The following MYO1E variants were observed in gnomAD, a reference collection of about 807,000 sequenced individuals.
MYO1E encodes the protein unconventional myosin-Ie.
A neutral mutation model predicts 151.1 loss-of-function variants in MYO1E; 68 were observed. That is an observed-to-expected ratio of 0.45 (90% confidence interval 0.37 to 0.55). The LOEUF (loss-of-function observed/expected upper bound fraction) is 0.55, where lower values mean the gene tolerates loss of function less well. MYO1E is among the 20% of genes least tolerant of loss of function. The pLI, the probability that MYO1E is intolerant of heterozygous loss-of-function variation, is 0.00. For missense variants in MYO1E, 1,363 were observed against 1,389.3 expected (o/e 0.98, Z 0.30); for synonymous variants, 601 against 501.7 (o/e 1.20, Z -2.64).
chr15:59,362,902 G>C (rs1425367126), intron 1 of MYO1E, among the ~76,000 whole-genome samples: 1 of 149,542 alleles, frequency 6.7e-6, no homozygotes, highest in African/African-American at 2.5e-5. Context: ...CTAAATCTCT[G>C]TTGTTCTCAC....
chr15:59,274,145 G>A (rs1672282029), intron 1 of MYO1E, among the ~76,000 whole-genome samples: 1 of 152,050 alleles, frequency 6.6e-6, no homozygotes, highest in African/African-American at 2.4e-5. Context: ...AATCAGCCAA[G>A]AAGGAGCTAC....
At chr15:59,322,192 A>G (rs949419803) in intron 1 of MYO1E, among the ~76,000 whole-genome samples, 8 of 151,978 alleles carry the variant, frequency 5.3e-5, no homozygotes, top group Non-Finnish European at 1.2e-4. Context: ...AAAAAAAAAA[A>G]AAATAGAAAG....
chr15:59,173,618 C>A, intron 21 of MYO1E, 128 bp downstream of exon 21: 1 of 1,142,362 alleles, frequency 8.8e-7, no homozygotes. Context: ...TTTTGGTTTA[C>A]TGTATTTTCT....
At chr15:59,338,418 AT>A (rs1341238955) in intron 1 of MYO1E, among the ~76,000 whole-genome samples, 8 of 151,490 alleles carry the variant, frequency 5.3e-5, no homozygotes, top group Non-Finnish European at 8.8e-5. Context: ...GACTGTGTTT[AT>A]TATAAATCCA....
intron 1 of MYO1E, among the ~76,000 whole-genome samples, chr15:59,302,944 T>A (rs901831949): frequency 1.3e-5 from 2 of 152,176 alleles, no homozygotes; most frequent in Non-Finnish European, 1.5e-5. Context: ...ATACAATCTC[T>A]TAGGCCAAGG....
Position 59,137,309 on chromosome 15 carries a change from G to T in MYO1E, c.*71C>A. On this transcript the variant is annotated 3_prime_UTR_variant, in exon 28 of 28. Coordinates refer to ENST00000288235, the MANE Select transcript of MYO1E (RefSeq NM_004998.4). ...TTGCTCATTGTGGATTGTAAGGGGA[G>T]CCCCTAAATATCCCCTCCCCTGGTC... 7.5e-7 allele frequency: 1 copy of T among 1,325,346 alleles called. No individual in the cohort carries two copies. The highest frequency in any genetic ancestry group is 1.1e-6 in the Non-Finnish European group (1 of 917,634). The allele number at this position is 1,325,346 out of a possible 1,614,324, so 82.1% of individuals were successfully genotyped here.
intron 26 of MYO1E, among the ~76,000 whole-genome samples, chr15:59,151,155 G>C (rs140165812): frequency 1.3e-5 from 2 of 151,986 alleles, no homozygotes; most frequent in African/African-American, 4.8e-5. Context: ...AGCTGGGCGC[G>C]GTGGCTCACG....
At chr15:59,338,160 TA>T (rs11390470) in intron 1 of MYO1E, among the ~76,000 whole-genome samples, 27,075 of 141,784 alleles carry the variant, frequency 0.19, 3,166 homozygotes, top group East Asian at 0.49. Context: ...TGTTCAAGTC[TA>T]AAAAAAAAAA....
At chr15:59,229,958 AAGT>A (rs1264721335) in intron 6 of MYO1E, among the ~76,000 whole-genome samples, 1 of 152,162 alleles carries the variant, frequency 6.6e-6, no homozygotes, top group African/African-American at 2.4e-5. Context: ...CTTTTAAAAT[AAGT>A]AGTTATTTAA....
rs370540534 is a variant in MYO1E at position 59,367,794 on chromosome 15, T to C, written c.3+4704A>G. Among the ~76,000 whole-genome samples, 27 of 152,318 alleles carry C rather than the reference T, an allele frequency of 1.8e-4. No homozygotes were observed. In the East Asian group the frequency reaches 3.3e-3, roughly 18 times the overall value. ...GCAAACAGCTAATCTGCAGCTGTGT[T>C]TGGCCCCTCTGAGATGATCAAATCA... On this transcript the variant is annotated intron_variant, in intron 1 of 27. Transcript: ENST00000288235.
Position 59,137,320 on chromosome 15 carries a change from TC to T in MYO1E, c.*59del. 6.9e-7 allele frequency: 1 copy of T among 1,441,282 alleles called. No individual in the cohort carries two copies. The highest frequency in any genetic ancestry group is 9.8e-7 in the Non-Finnish European group (1 of 1,022,798). 89.3% of individuals were successfully genotyped at this position (1,441,282 alleles called of 1,614,324 possible). A position where few individuals can be genotyped will look rare whatever the true frequency, so the allele number is the denominator to read the frequency against. On this transcript the variant is annotated 3_prime_UTR_variant, in exon 28 of 28. Coordinates refer to ENST00000288235, the MANE Select transcript of MYO1E (RefSeq NM_004998.4). Reference sequence around the variant, plus strand: ...GGATTGTAAGGGGAGCCCCTAAATATCCCCTCCCCTGGTCTGTGCCTGGAGC... The same window carrying T: ...GGATTGTAAGGGGAGCCCCTAAATATCCCTCCCCTGGTCTGTGCCTGGAGC...
At chr15:59,191,363 AGAG>A (rs1366000573) in intron 17 of MYO1E, among the ~76,000 whole-genome samples, 9 of 150,884 alleles carry the variant, frequency 6.0e-5, no homozygotes, top group African/African-American at 2.2e-4. Context: ...AGAGAGAGAG[AGAG>A]AGAAAGAAAT....
chr15:59,285,530 C>T (rs1185132032), intron 1 of MYO1E, among the ~76,000 whole-genome samples: 3 of 151,580 alleles, frequency 2.0e-5, no homozygotes, highest in Non-Finnish European at 4.4e-5. Flanking sequence ...CCAGCTAATT[C>T]TTTTTTGTGT....
chr15:59,364,163 C>G, intron 1 of MYO1E, among the ~76,000 whole-genome samples: 1 of 152,218 alleles, frequency 6.6e-6, no homozygotes, highest in Admixed American at 6.5e-5. Flanking sequence ...CCATCTCCAT[C>G]CACTCCCGTT....
Position 59,161,127 on chromosome 15 carries a change from G to C in MYO1E, c.2731C>G (p.Pro911Ala). The change falls in exon 24 of 28, where the codon CCC becomes GCC. Residue 911 changes from proline (P) to alanine (A), a missense_variant. Pro to Ala is a conservative substitution (Grantham distance 27, BLOSUM62 -1). Coordinates refer to ENST00000288235, the MANE Select transcript of MYO1E (RefSeq NM_004998.4). ...QGFGDLAVLK[P>A]SNKVLQVSIG... ...CTGACCTGCAGCACTTTGTTACTGG[G>C]CTTGAGGACAGCCAGGTCCCCAAAC... 1 of 1,614,076 alleles carries C rather than the reference G, an allele frequency of 6.2e-7. No homozygotes were observed. Among genetic ancestry groups the C allele is most frequent in the East Asian group, 2.2e-5 (1 of 44,848 alleles).
At chr15:59,302,421 G>A (rs140983074) in intron 1 of MYO1E, among the ~76,000 whole-genome samples, 1 of 152,322 alleles carries the variant, frequency 6.6e-6, no homozygotes, top group African/African-American at 2.4e-5. Context: ...GTATTTAGAA[G>A]TCAGAACACC....
At chr15:59,197,508 C>T (rs75380980) in intron 16 of MYO1E, among the ~76,000 whole-genome samples, 5,194 of 152,270 alleles carry the variant, frequency 0.034, 89 homozygotes, top group Middle Eastern at 0.065. Context: ...ATCTCATTTA[C>T]GCCTCACAAC....
At chr15:59,250,557 A>G (rs1156248838) in intron 4 of MYO1E, among the ~76,000 whole-genome samples, 1 of 152,110 alleles carries the variant, frequency 6.6e-6, no homozygotes, top group Non-Finnish European at 1.5e-5. Context: ...TGCCAGAACG[A>G]AACTGTAATC....
intron 16 of MYO1E, among the ~76,000 whole-genome samples, chr15:59,197,485 A>G (rs1006523902): frequency 1.3e-4 from 20 of 152,258 alleles, no homozygotes; most frequent in African/African-American, 4.8e-4. Flanking sequence ...AGTGCAGATT[A>G]GATACATGTA....
Sources: allele counts gnomAD v4.1 joint callset (sites outside exome capture counted in the v4.1 genomes callset), GRCh38; gene constraint gnomAD v4.1.1; transcripts MANE v1.5; gene names NCBI Gene and HGNC (gene_info 2026-07-23, HGNC 2026-07-21).